Variants in ERICH3 observed in about 807,000 individuals in gnomAD.
ERICH3 encodes glutamate-rich protein 3.
ERICH3 carries 126 observed loss-of-function variants against 131.1 expected under a neutral mutation model. The ratio of observed to expected loss-of-function variants is 0.96; its 90% CI spans 0.83 to 1.11. The LOEUF (loss-of-function observed/expected upper bound fraction) is 1.11, where lower values mean the gene tolerates loss of function less well. Among genes scored for constraint, ERICH3 ranks in the 50% most tolerant of loss-of-function variants. ERICH3 has a pLI of 0.00. For synonymous variants in ERICH3, 695 were observed against 644.6 expected, an observed-to-expected ratio of 1.08 and a Z score of -1.18; for missense variants, 2,050 against 1,810.7, an observed-to-expected ratio of 1.13 and a Z score of -2.40.
In ERICH3 at chr1:74,571,727, T is replaced by G; in HGVS notation, c.3983A>C (p.Lys1328Thr). 2 of 1,614,166 alleles carry G rather than the reference T, an allele frequency of 1.2e-6. No homozygotes were observed. The highest frequency in any genetic ancestry group is 1.7e-6 in the Non-Finnish European group (2 of 1,180,032). Residue 1328 changes from lysine (K) to threonine (T), a missense_variant, in exon 14 of 15, where the codon AAG (lysine) becomes ACG (threonine). Coordinates refer to ENST00000326665, the MANE Select transcript of ERICH3 (RefSeq NM_001002912.5). Reference protein sequence around the residue: ...GDMEGEGNTQKNEGMGGGRVV... With the variant: ...GDMEGEGNTQTNEGMGGGRVV... Reference sequence around the variant, plus strand: ...CCTTCCTCCTCCCATGCCCTCATTCTTTTGTGTGTTTCCTTCTCCTTCCAT... The same window carrying G: ...CCTTCCTCCTCCCATGCCCTCATTCGTTTGTGTGTTTCCTTCTCCTTCCAT...
chr1:74,636,834 C>T (rs1249877034), intron 5 of ERICH3, among the ~76,000 whole-genome samples: 1 of 152,150 alleles, frequency 6.6e-6, no homozygotes, highest in Non-Finnish European at 1.5e-5. Context: ...TTGGAATGGA[C>T]TCATTTCTGT....
Position 74,573,141 on chromosome 1 carries a change from C to G in ERICH3, c.2569G>C (p.Asp857His). Residue 857 changes from aspartate (D) to histidine (H), a missense_variant, in exon 14 of 15, where the codon GAC becomes CAC. By Grantham distance (81) the Asp-to-His change is moderately conservative. Transcript: ENST00000326665. ...GVRRLGEGGS[D>H]PIGQAAAKDA... Reference sequence around the variant, plus strand: ...TTTGCTGCTGCTTGTCCTATGGGGTCTGACCCCCCTTCACCCAGCCTTCTG... The same window carrying G: ...TTTGCTGCTGCTTGTCCTATGGGGTGTGACCCCCCTTCACCCAGCCTTCTG... 6.2e-7 allele frequency: 1 copy of G among 1,613,282 alleles called. No individual in the cohort carries two copies. Among genetic ancestry groups the G allele is most frequent in the Non-Finnish European group, 8.5e-7 (1 of 1,179,612 alleles).
intron 12 of ERICH3, chr1:74,579,573 A>G (rs1647139719): frequency 2.0e-6 from 2 of 985,296 alleles, no homozygotes; most frequent in African/African-American, 1.7e-5. Flanking sequence ...TGGCCTAAGT[A>G]TCAAGGACTT....
chr1:74,586,283 A>C (rs1647325888), intron 12 of ERICH3: 1 of 628,042 alleles, frequency 1.6e-6, no homozygotes, highest in Admixed American at 6.3e-5. Context: ...TCTCAGAACA[A>C]AATGTATAGT....
At chr1:74,637,843 C>A (rs915131375) in intron 5 of ERICH3, among the ~76,000 whole-genome samples, 3 of 151,248 alleles carry the variant, frequency 2.0e-5, no homozygotes, top group South Asian at 2.1e-4. Context: ...CCAGGCAGGT[C>A]GAGTCTGCAG....
At chr1:74,577,613 A>T (rs553869785) in intron 12 of ERICH3, 1 of 152,356 alleles carries the variant, frequency 6.6e-6, no homozygotes, top group East Asian at 1.9e-4. Context: ...TTGGTTTAAA[A>T]ATCTCTGAAG....
intron 12 of ERICH3, chr1:74,579,673 G>A (rs1057300521): frequency 1.0e-6 from 1 of 985,220 alleles, no homozygotes; most frequent in Non-Finnish European, 1.2e-6. Context: ...AACTTGGCTG[G>A]TGTCTAACCT....
At chr1:74,597,570 T>C (rs1647914359) in intron 11 of ERICH3, among the ~76,000 whole-genome samples, 1 of 152,034 alleles carries the variant, frequency 6.6e-6, no homozygotes, top group Admixed American at 6.6e-5. Context: ...TTGCTAATTA[T>C]AGATTTTTCC....
chr1:74,572,516 C>T lies in ERICH3; in HGVS notation c.3194G>A (p.Arg1065Lys), dbSNP rs749457532. 3.1e-6 allele frequency: 5 copies of T among 1,614,044 alleles called. No homozygotes were observed. The East Asian group carries it at 1.1e-4, about 36-fold the overall frequency. ...AGTTTTCCTCAGAGATGTTTTTGGC[C>T]TCTCAGCTTTCCTTCGCTCTCTTGC... Reference protein sequence around the residue: ...DLARERRKAERPKTSLRKTDS... With the variant: ...DLARERRKAEKPKTSLRKTDS... Residue 1065 changes from arginine to lysine, a missense_variant, in exon 14 of 15, where the codon AGG becomes AAG. By Grantham distance (26) the Arg-to-Lys change is conservative. Coordinates refer to ENST00000326665, the MANE Select transcript of ERICH3 (RefSeq NM_001002912.5).
intron 12 of ERICH3, among the ~76,000 whole-genome samples, chr1:74,578,736 T>A (rs1026699427): frequency 1.3e-5 from 2 of 150,100 alleles, no homozygotes; most frequent in African/African-American, 4.9e-5. Context: ...CCCCCGATAT[T>A]CTGTTACAAC....
intron 6 of ERICH3, among the ~76,000 whole-genome samples, chr1:74,633,799 T>C (rs1051538337): frequency 6.6e-6 from 1 of 152,088 alleles, no homozygotes; most frequent in Admixed American, 6.6e-5. Context: ...TGCTTGAGCA[T>C]GTTCATTTAA....
intron 1 of ERICH3, among the ~76,000 whole-genome samples, chr1:74,659,425 A>T (rs1166543659): frequency 6.6e-6 from 1 of 152,198 alleles, no homozygotes; most frequent in African/African-American, 2.4e-5. Context: ...TAAAGGCCAG[A>T]GGGTAAAACT....
chr1:74,586,794 G>C (rs904702904), intron 12 of ERICH3, among the ~76,000 whole-genome samples: 3 of 151,994 alleles, frequency 2.0e-5, no homozygotes, highest in Non-Finnish European at 4.4e-5. Flanking sequence ...TGTGAAAAAT[G>C]ATCACGTTAT....
chr1:74,579,343 A>T (rs893375143), intron 12 of ERICH3: 51 of 942,346 alleles, frequency 5.4e-5, no homozygotes, highest in Non-Finnish European at 6.2e-5. Flanking sequence ...GCAGGTACTG[A>T]ACCAAAAGAC....
At chr1:74,601,444 T>C (rs553199898) in intron 10 of ERICH3, among the ~76,000 whole-genome samples, 2 of 152,048 alleles carry the variant, frequency 1.3e-5, no homozygotes, top group South Asian at 2.1e-4. Context: ...CTGTACTCAC[T>C]TTGTAGTAGT....
At chr1:74,642,891 G>A in intron 4 of ERICH3, 136 bp downstream of exon 4, 1 of 618,318 alleles carries the variant, frequency 1.6e-6, no homozygotes, top group South Asian at 2.1e-5. Context: ...ATTTAGGCTT[G>A]GTGAACCATC....
intron 11 of ERICH3, among the ~76,000 whole-genome samples, chr1:74,590,943 A>T (rs1288008412): frequency 6.6e-6 from 1 of 152,222 alleles, no homozygotes; most frequent in Non-Finnish European, 1.5e-5. Flanking sequence ...AAAATGAATA[A>T]TCCTTTGTCT....
intron 8 of ERICH3, among the ~76,000 whole-genome samples, chr1:74,614,772 A>G (rs1648884628): frequency 6.6e-6 from 1 of 152,138 alleles, no homozygotes; most frequent in Non-Finnish European, 1.5e-5. Flanking sequence ...AGTATTTCTG[A>G]TGTAAAATTA....
rs114506579 is a variant in ERICH3, at chr1:74,628,209, G to A, written c.819+3504C>T. 2.0e-3 allele frequency among the ~76,000 whole-genome samples: 308 copies of A among 152,174 alleles called. 3 individuals carry two copies. Among genetic ancestry groups the A allele is most frequent in the African/African-American group, 7.2e-3 (298 of 41,524 alleles). Reference sequence around the variant, plus strand: ...TCAGAGTAAAAAGTAATCTCTCAAAGTTCTTACATATTTTCCATCGTGTTT... The same window carrying A: ...TCAGAGTAAAAAGTAATCTCTCAAAATTCTTACATATTTTCCATCGTGTTT... On this transcript the variant is annotated intron_variant, in intron 7 of 14. Transcript: ENST00000326665.
Sources: allele counts gnomAD v4.1 joint callset (sites outside exome capture counted in the v4.1 genomes callset), GRCh38; gene constraint gnomAD v4.1.1; transcripts MANE v1.5; gene names NCBI Gene and HGNC (gene_info 2026-07-23, HGNC 2026-07-21).